KCNAB2: variants seen among roughly 807,000 people sequenced by gnomAD.
KCNAB2 encodes the protein voltage-gated potassium channel subunit beta-2.
In KCNAB2, 29 loss-of-function variants were observed where a neutral mutation model predicts 63.6. That is an observed-to-expected ratio of 0.46 (90% CI 0.34 to 0.62). The LOEUF (loss-of-function observed/expected upper bound fraction) is 0.62, where lower values mean the gene tolerates loss of function less well. Among genes scored for constraint, KCNAB2 ranks in the 20% least tolerant of loss-of-function variants. KCNAB2 has a pLI of 0.01. For synonymous variants in KCNAB2, 222 were observed against 224.2 expected, an observed-to-expected ratio of 0.99 and a Z score of 0.09; for missense variants, 359 against 563.9, an observed-to-expected ratio of 0.64 and a Z score of 3.68.
At chr1:6,001,521 G>T (rs1337681567) in intron 1 of KCNAB2, among the ~76,000 whole-genome samples, 1 of 152,172 alleles carries the variant, frequency 6.6e-6, no homozygotes, top group African/African-American at 2.4e-5. Flanking sequence ...CTGGCCACCT[G>T]CTGGGCTGTA....
chr1:6,006,588 CA>C (rs1557925229), intron 1 of KCNAB2, among the ~76,000 whole-genome samples: 135 of 4,484 alleles, frequency 0.03, 61 homozygotes, highest in African/African-American at 0.12. Context: ...CCCCCCACTT[CA>C]CCCTCACCCC....
At position 6,035,783 on chromosome 1, in the gene KCNAB2, G is replaced by T. The variant is rs1570916373; in HGVS notation, c.-53+989G>T. The T allele has an allele frequency of 6.6e-6, 1 of 152,556 alleles. No individual in the cohort carries two copies. The highest frequency in any genetic ancestry group is 1.9e-4 in the East Asian group (1 of 5,178). 9.5% of individuals were successfully genotyped at this position (152,556 alleles called of 1,614,324 possible). On this transcript the variant is annotated intron_variant, in intron 1 of 15. Transcript: ENST00000164247. This position sits in a 1 kb window ranked among gnomAD's most constrained non-coding sequence, Gnocchi z 5.0. ...GTAGAGGGGGTGGGGTCTGCAGCATGGGGACGGGGTTCAGAGCCACGAGAT... is the reference window on the plus strand; with the variant it reads ...GTAGAGGGGGTGGGGTCTGCAGCATTGGGACGGGGTTCAGAGCCACGAGAT...
chr1:6,035,425 G>C lies in KCNAB2; in HGVS notation c.-53+631G>C, dbSNP rs1659957073. On this transcript the variant is annotated intron_variant, in intron 1 of 15. Transcript: ENST00000164247. The surrounding 1 kb of genome is among the most constrained non-coding windows in gnomAD (Gnocchi z 5.0). ...CCGGCGGGGGTGGAGGTGGGCGCAG[G>C]GAATGCTGTGAGGAGCAGCATGAGA... Among the ~76,000 whole-genome samples, 1 of 152,168 alleles carries C rather than the reference G, an allele frequency of 6.6e-6. No homozygotes were observed. Among genetic ancestry groups the C allele is most frequent in the Non-Finnish European group, 1.5e-5 (1 of 68,034 alleles).
chr1:6,078,876 G>A lies in KCNAB2; in HGVS notation c.301-3319G>A, dbSNP rs562002200. ...GATCTCATGCTGATGCTGGCCCATG[G>A]ACCACGCTTTGCCTGGGGAAGGTGC... On this transcript the variant is annotated intron_variant, in intron 4 of 15. Transcript: ENST00000378083. The surrounding 1 kb of genome is among the most constrained non-coding windows in gnomAD (Gnocchi z 4.2). Among the ~76,000 whole-genome samples, 1 of 152,264 alleles carries A rather than the reference G, an allele frequency of 6.6e-6. No homozygotes were observed. The highest frequency in any genetic ancestry group is 1.9e-4 in the East Asian group (1 of 5,174).
chr1:6,018,172 C>T (rs1658624223), intron 1 of KCNAB2, among the ~76,000 whole-genome samples: 1 of 149,516 alleles, frequency 6.7e-6, no homozygotes, highest in African/African-American at 2.5e-5. Context: ...CTCAAGCAAT[C>T]CTCCCACCAC....
At chr1:6,022,281 G>A (rs1170717975) in intron 1 of KCNAB2, among the ~76,000 whole-genome samples, 1 of 152,084 alleles carries the variant, frequency 6.6e-6, no homozygotes, top group Non-Finnish European at 1.5e-5. Flanking sequence ...GTGGTATTGA[G>A]TGTACAGTTC....
In KCNAB2 at chr1:6,098,930, G is replaced by T; in HGVS notation, c.*356G>T. 1 of 217,782 alleles carries T rather than the reference G, an allele frequency of 4.6e-6. No individual in the cohort carries two copies. The highest frequency in any genetic ancestry group is 9.2e-6 in the Non-Finnish European group (1 of 109,168). 13.5% of individuals were successfully genotyped at this position (217,782 alleles called of 1,614,324 possible). A position where few individuals can be genotyped will look rare whatever the true frequency, so the allele number is the denominator to read the frequency against. On this transcript the variant is annotated 3_prime_UTR_variant, in exon 16 of 16. Transcript: ENST00000378083. The stretch of plus-strand genomic sequence containing the variant: ...GATTTCCAAGGTTCCCAAAGTCAAG[G>T]CCAGGCCAAGGCCTGGTTGGGTCCT...
intron 1 of KCNAB2, among the ~76,000 whole-genome samples, chr1:6,002,302 A>C (rs776250041): frequency 3.9e-5 from 6 of 152,200 alleles, no homozygotes; most frequent in Admixed American, 1.3e-4. Flanking sequence ...CGCCAGATAC[A>C]ATCCTGCTCT....
At chr1:6,001,716 C>T (rs963586704) in intron 1 of KCNAB2, among the ~76,000 whole-genome samples, 39 of 152,094 alleles carry the variant, frequency 2.6e-4, no homozygotes, top group African/African-American at 7.7e-4. Context: ...TAACGCAGCC[C>T]GGAACACACA....
At chr1:6,079,905 A>C (rs1161533272) in intron 4 of KCNAB2, among the ~76,000 whole-genome samples, 1 of 152,228 alleles carries the variant, frequency 6.6e-6, no homozygotes, top group Non-Finnish European at 1.5e-5. Flanking sequence ...CTCTTTGATA[A>C]ATGCAGTAAT....
intron 1 of KCNAB2, among the ~76,000 whole-genome samples, chr1:6,025,199 A>AAC (rs1659066707): frequency 6.6e-6 from 1 of 152,016 alleles, no homozygotes. Context: ...TCCTGCCGGG[A>AAC]ACACACAGCA....
At chr1:6,088,913 T>G in intron 7 of KCNAB2, 95 bp from the exon 8 acceptor site, 5 of 1,199,742 alleles carry the variant, frequency 4.2e-6, no homozygotes, top group African/African-American at 1.5e-5. Flanking sequence ...GCTGACCCTG[T>G]TTTTGCGTCT....
chr1:6,045,383 G>A (rs1660831287), upstream of KCNAB2, among the ~76,000 whole-genome samples: 1 of 152,174 alleles, frequency 6.6e-6, no homozygotes, highest in African/African-American at 2.4e-5. This position sits in a 1 kb window ranked among gnomAD's most constrained non-coding sequence, Gnocchi z 4.8. Flanking sequence ...TCATCCCAGA[G>A]CTCAGCCTTG....
rs552056359 is a variant in KCNAB2, at chr1:6,025,050, A to G, written c.-52-15467A>G. ...CTCGCTCTTTCTTTTTCATTTTCCC[A>G]TTCGTTCGCCTTCCTCCTTCTCCCT... On this transcript the variant is annotated intron_variant, in intron 1 of 16. Transcript: ENST00000341524. Among the ~76,000 whole-genome samples, 10 of 151,836 alleles carry G rather than the reference A, an allele frequency of 6.6e-5. No individual in the cohort carries two copies. In the South Asian group the frequency reaches 1.2e-3, roughly 19 times the overall value.
intron 5 of KCNAB2, among the ~76,000 whole-genome samples, chr1:6,082,968 C>A (rs1444590233): frequency 2.0e-5 from 3 of 152,166 alleles, no homozygotes; most frequent in African/African-American, 7.2e-5. Context: ...GCTTCGTGGG[C>A]CCTGGGTGGT....
At chr1:6,031,500 G>T (rs534170047), upstream of KCNAB2, among the ~76,000 whole-genome samples, 1 of 152,198 alleles carries the variant, frequency 6.6e-6, no homozygotes, top group Non-Finnish European at 1.5e-5. The surrounding 1 kb of genome is among the most constrained non-coding windows in gnomAD (Gnocchi z 4.1). Context: ...CTGTGCCCCC[G>T]GGAGTTTTGC....
chr1:6,076,214 CA>C (rs1489731874), intron 4 of KCNAB2, among the ~76,000 whole-genome samples: 11 of 152,214 alleles, frequency 7.2e-5, no homozygotes, highest in African/African-American at 2.7e-4. Context: ...AAAGCTTGCC[CA>C]GGGGTGGAAC....
chr1:6,066,112 C>T (rs142614954), intron 2 of KCNAB2, among the ~76,000 whole-genome samples: 2,572 of 152,324 alleles, frequency 0.017, 42 homozygotes, highest in South Asian at 0.043. Flanking sequence ...AGGGCCGGGG[C>T]CCTGAGGATC....
chr1:6,082,965 G>A (rs905100123), intron 5 of KCNAB2, among the ~76,000 whole-genome samples: 10 of 152,274 alleles, frequency 6.6e-5, no homozygotes, highest in African/African-American at 2.2e-4. Flanking sequence ...GCTGCTTCGT[G>A]GGCCCTGGGT....
Sources: gnomAD v4.1 joint callset for allele counts (sites outside exome capture counted in the v4.1 genomes callset) on GRCh38, gnomAD v4.1.1 for gene constraint, Gnocchi (gnomAD v3.1) non-coding constraint, MANE v1.5 for transcripts, NCBI Gene and HGNC (gene_info 2026-07-23, HGNC 2026-07-21) for gene names.